The following ITGA9 variants were observed in gnomAD, a reference collection of about 807,000 sequenced individuals.
The protein encoded by ITGA9 is integrin alpha-9.
A neutral mutation model predicts 127.8 loss-of-function variants in ITGA9; 56 were observed. The observed-to-expected ratio is 0.44, with a 90% CI of 0.35 to 0.55. The LOEUF (loss-of-function observed/expected upper bound fraction) is 0.55, where lower values mean the gene tolerates loss of function less well. ITGA9 is among the 20% of genes least tolerant of loss of function. ITGA9 has a pLI of 0.00. For missense variants in ITGA9, 1,196 were observed against 1,347.1 expected, an observed-to-expected ratio of 0.89 and a Z score of 1.76; for synonymous variants, 508 against 514.5, an observed-to-expected ratio of 0.99 and a Z score of 0.17.
rs985037440 is a variant in ITGA9 at position 37,452,614 on chromosome 3, C to G, written c.185+55C>G. 7 of 1,417,960 alleles carry G rather than the reference C, an allele frequency of 4.9e-6. No homozygotes were observed. In the African/African-American group the frequency reaches 9.1e-5, roughly 18 times the overall value. The allele number at this position is 1,417,960 out of a possible 1,614,324, so 87.8% of individuals were successfully genotyped here. A position where few individuals can be genotyped will look rare whatever the true frequency, so the allele number is the denominator to read the frequency against. ...GCCCGCGCGGCCACCGCCCCGGCCC[C>G]CAGGCCAGCGCCGCCGCCGCCTTTC... On this transcript the variant is annotated intron_variant, in intron 1 of 27. Transcript: ENST00000264741. The surrounding 1 kb of genome is among the most constrained non-coding windows in gnomAD (Gnocchi z 7.3).
At chr3:37,712,001 G>A (rs967057281) in intron 18 of ITGA9, among the ~76,000 whole-genome samples, 1 of 152,180 alleles carries the variant, frequency 6.6e-6, no homozygotes, top group African/African-American at 2.4e-5. Flanking sequence ...GGTCAGTTCT[G>A]AGGCTCCCCC....
rs748336446 is a variant in ITGA9, at chr3:37,743,976, A to G, written c.2375A>G (p.Asn792Ser). Residue 792 changes from asparagine (N) to serine (S), a missense_variant, in exon 22 of 28, where the codon AAC becomes AGC. Physicochemically the swap from Asn to Ser is conservative, Grantham distance 46. Coordinates refer to ENST00000264741, the MANE Select transcript of ITGA9 (RefSeq NM_002207.3). ...TATGGCGAGTCCGTGGACGCAGCCA[A>G]CTTCATTCAGCTGGATGACCTGGAG... ...FVYGESVDAA[N>S]FIQLDDLECH... The G allele has an allele frequency of 2.5e-6, 4 of 1,614,162 alleles. No individual in the cohort carries two copies. Among genetic ancestry groups the G allele is most frequent in the Non-Finnish European group, 3.4e-6 (4 of 1,179,988 alleles).
At chr3:37,547,252 GA>G (rs1430996366) in intron 15 of ITGA9, among the ~76,000 whole-genome samples, 2 of 152,234 alleles carry the variant, frequency 1.3e-5, no homozygotes, top group African/African-American at 4.8e-5. Context: ...AGAAGCTGCA[GA>G]TGTTCATAAG....
chr3:37,773,067 T>C (rs986509674), intron 23 of ITGA9, among the ~76,000 whole-genome samples: 1 of 152,168 alleles, frequency 6.6e-6, no homozygotes, highest in African/African-American at 2.4e-5. Context: ...TCCGCTGGCG[T>C]CTTGTGGCCA....
chr3:37,631,978 G>GT (rs1373373334), intron 16 of ITGA9, among the ~76,000 whole-genome samples: 3 of 152,178 alleles, frequency 2.0e-5, no homozygotes, highest in Non-Finnish European at 2.9e-5. Flanking sequence ...AGTCACCAAC[G>GT]TAAGAGCTAG....
chr3:37,650,755 A>G (rs1700422160), intron 16 of ITGA9, among the ~76,000 whole-genome samples: 1 of 152,016 alleles, frequency 6.6e-6, no homozygotes, highest in Admixed American at 6.6e-5. Context: ...CAGCCCCACC[A>G]TCCATTAATT....
chr3:37,696,744 C>T lies in ITGA9; in HGVS notation c.2067+12729C>T, dbSNP rs547831037. On this transcript the variant is annotated intron_variant, in intron 18 of 27. Transcript: ENST00000264741. ...GATATTTCTGTTAATGTGGTAGCCA[C>T]AGCACAATTCTATTTATTCTTGAGG... Among the ~76,000 whole-genome samples, 16 of 152,316 alleles carry T rather than the reference C, an allele frequency of 1.1e-4. No homozygotes were observed. In the East Asian group the frequency reaches 2.1e-3, roughly 20 times the overall value.
At chr3:37,785,402 T>C (rs770213379) in intron 26 of ITGA9, among the ~76,000 whole-genome samples, 2 of 152,200 alleles carry the variant, frequency 1.3e-5, no homozygotes, top group Non-Finnish European at 2.9e-5. Flanking sequence ...ATTTATATCT[T>C]TCTTAGACCT....
rs769283294 is a variant in ITGA9 at position 37,508,517 on chromosome 3, T to C, written c.829-42T>C. On this transcript the variant is annotated intron_variant, in intron 7 of 27. Coordinates refer to ENST00000264741, the MANE Select transcript of ITGA9 (RefSeq NM_002207.3). Reference sequence around the variant, plus strand: ...GAGTGCTGATAAATATCTTTGATCATTGATTTCATCCTAACTAGATTTTTT... The same window carrying C: ...GAGTGCTGATAAATATCTTTGATCACTGATTTCATCCTAACTAGATTTTTT... 2.6e-6 allele frequency: 4 copies of C among 1,528,342 alleles called. No individual in the cohort carries two copies. The South Asian group carries it at 3.4e-5, about 13-fold the overall frequency. 94.7% of individuals were successfully genotyped at this position (1,528,342 alleles called of 1,614,324 possible). A position where few individuals can be genotyped will look rare whatever the true frequency, so the allele number is the denominator to read the frequency against.
At chr3:37,484,236 C>T (rs1188863275) in intron 4 of ITGA9, among the ~76,000 whole-genome samples, 1 of 152,032 alleles carries the variant, frequency 6.6e-6, no homozygotes, top group African/African-American at 2.4e-5. Flanking sequence ...AAGAGCAGCC[C>T]CTTAGAAAAA....
chr3:37,472,392 G>T (rs1185303107), intron 2 of ITGA9, among the ~76,000 whole-genome samples: 1 of 152,050 alleles, frequency 6.6e-6, no homozygotes, highest in East Asian at 1.9e-4. Context: ...TTTTTTTGTT[G>T]TTTTTTGTTT....
At chr3:37,725,850 C>T (rs1696183811) in intron 18 of ITGA9, among the ~76,000 whole-genome samples, 2 of 152,156 alleles carry the variant, frequency 1.3e-5, no homozygotes, top group Non-Finnish European at 1.5e-5. Flanking sequence ...GGTTAATTTG[C>T]CTGACAACAC....
intron 18 of ITGA9, among the ~76,000 whole-genome samples, chr3:37,722,805 C>T (rs1416483980): frequency 1.3e-5 from 2 of 152,126 alleles, no homozygotes; most frequent in Non-Finnish European, 2.9e-5. Flanking sequence ...TGTGTGGGCT[C>T]ATGTTTTTAT....
chr3:37,614,378 T>C (rs1185306955), intron 15 of ITGA9, among the ~76,000 whole-genome samples: 1 of 152,200 alleles, frequency 6.6e-6, no homozygotes, highest in Non-Finnish European at 1.5e-5. Flanking sequence ...CCTTGTAGTA[T>C]AGTTTGAAGT....
rs138294179 is a variant in ITGA9 at position 37,517,740 on chromosome 3, C to T, written c.1141+131C>T. 1.8e-3 allele frequency: 1,306 copies of T among 728,412 alleles called. 18 individuals are homozygous for T. The highest frequency in any genetic ancestry group is 0.018 in the Admixed American group (876 of 49,574). The allele number at this position is 728,412 out of a possible 1,614,324, so 45.1% of individuals were successfully genotyped here. ...TGGGTCTACTGATCCCCTTCGAAGG[C>T]CCATCAATGTGCTGTGGGGAGATAG... On this transcript the variant is annotated intron_variant, in intron 10 of 27. Coordinates refer to ENST00000264741, the MANE Select transcript of ITGA9 (RefSeq NM_002207.3).
intron 5 of ITGA9, among the ~76,000 whole-genome samples, chr3:37,502,790 C>T (rs986196745): frequency 2.0e-5 from 3 of 152,098 alleles, no homozygotes; most frequent in African/African-American, 4.8e-5. Flanking sequence ...AGGCAGGGTG[C>T]GGTATTGCTT....
intron 1 of ITGA9, among the ~76,000 whole-genome samples, chr3:37,453,576 G>C (rs753658537): frequency 7.7e-4 from 118 of 152,302 alleles, no homozygotes; most frequent in Non-Finnish European, 1.6e-3. Flanking sequence ...CCCCGTTCAA[G>C]GTCGTGCCTC....
chr3:37,742,112 T>C (rs536492252), intron 21 of ITGA9, among the ~76,000 whole-genome samples: 1 of 152,344 alleles, frequency 6.6e-6, no homozygotes, highest in African/African-American at 2.4e-5. Context: ...TATGTGCATA[T>C]ATTCTCATCC....
chr3:37,533,857 G>C (rs1252543847), intron 14 of ITGA9, among the ~76,000 whole-genome samples: 1 of 152,186 alleles, frequency 6.6e-6, no homozygotes, highest in East Asian at 1.9e-4. Flanking sequence ...TATTGAGCTT[G>C]TAGCATCAGC....
Sources: gnomAD v4.1 joint callset for allele counts (sites outside exome capture counted in the v4.1 genomes callset) on GRCh38, gnomAD v4.1.1 for gene constraint, Gnocchi (gnomAD v3.1) non-coding constraint, MANE v1.5 for transcripts, NCBI Gene and HGNC (gene_info 2026-07-23, HGNC 2026-07-21) for gene names.